Variants in FHIT observed in about 807,000 individuals in gnomAD.
FHIT encodes bis(5'-adenosyl)-triphosphatase.
Under a neutral mutation model 17.9 loss-of-function variants are expected in FHIT, and 19 were observed. That is an observed-to-expected ratio of 1.06 (90% CI 0.74 to 1.56). The LOEUF (loss-of-function observed/expected upper bound fraction) is 1.56. Among genes scored for constraint, FHIT ranks in the 40% most tolerant of loss-of-function variants. The pLI, the probability that FHIT is intolerant of heterozygous loss-of-function variation, is 0.00. For missense variants in FHIT, 248 were observed against 189.2 expected, an observed-to-expected ratio of 1.31 and a Z score of -1.82; for synonymous variants, 81 against 69.7, an observed-to-expected ratio of 1.16 and a Z score of -0.81.
intron 2 of FHIT, among the ~76,000 whole-genome samples, chr3:61,159,356 T>C (rs1340886526): frequency 6.6e-6 from 1 of 152,206 alleles, no homozygotes; most frequent in East Asian, 1.9e-4. Flanking sequence ...TTCCCCTCCC[T>C]GCAGAGACGA....
chr3:60,947,356 C>T (rs1011602213), intron 3 of FHIT, among the ~76,000 whole-genome samples: 17 of 152,146 alleles, frequency 1.1e-4, no homozygotes, highest in African/African-American at 4.1e-4. Context: ...TATTAATAGA[C>T]TATGACTATC....
chr3:59,954,221 G>GTTTTTT lies in FHIT; in HGVS notation c.280-31813_280-31808dup, dbSNP rs5849313. 3.9e-3 allele frequency among the ~76,000 whole-genome samples: 475 copies of GTTTTTT among 120,884 alleles called. 28 individuals are homozygous for GTTTTTT. Among genetic ancestry groups the GTTTTTT allele is most frequent in the Non-Finnish European group, 5.5e-3 (327 of 59,534 alleles). The allele number at this position is 120,884 out of a possible 152,430, so 79.3% of individuals were successfully genotyped here. On this transcript the variant is annotated intron_variant, in intron 7 of 9. Transcript: ENST00000492590. ...CATTTTTCAGAAGTTATTTTGTTCTGTTTTTTTTTCTTTTTTTTCCAAATG... is the reference window on the plus strand; with the variant it reads ...CATTTTTCAGAAGTTATTTTGTTCTGTTTTTTTTTTTTTTTCTTTTTTTTCCAAATG...
chr3:60,590,479 T>C (rs889118248), intron 4 of FHIT, among the ~76,000 whole-genome samples: 2 of 152,118 alleles, frequency 1.3e-5, no homozygotes, highest in Non-Finnish European at 2.9e-5. Flanking sequence ...ATAGAGTCCA[T>C]GCACTTAGGA....
intron 5 of FHIT, among the ~76,000 whole-genome samples, chr3:60,504,473 G>T (rs1454230335): frequency 1.3e-5 from 2 of 151,932 alleles, no homozygotes; most frequent in Non-Finnish European, 2.9e-5. Flanking sequence ...AAGCTGCTTA[G>T]TAAGTAGTTT....
chr3:60,831,326 C>T (rs1301321900), intron 3 of FHIT, among the ~76,000 whole-genome samples: 1 of 152,138 alleles, frequency 6.6e-6, no homozygotes, highest in East Asian at 1.9e-4. Flanking sequence ...CAACCTTATA[C>T]TCTGAAAGAG....
At chr3:60,347,002 A>C (rs1710813591) in intron 5 of FHIT, among the ~76,000 whole-genome samples, 1 of 150,152 alleles carries the variant, frequency 6.7e-6, no homozygotes. Context: ...CTTACATGGG[A>C]AATATATTAT....
intron 2 of FHIT, among the ~76,000 whole-genome samples, chr3:61,060,595 G>A (rs2034392704): frequency 6.6e-6 from 1 of 152,152 alleles, no homozygotes; most frequent in Non-Finnish European, 1.5e-5. Context: ...CCACATTATG[G>A]GCCATCATAT....
At chr3:60,684,864 A>C (rs2040827538) in intron 4 of FHIT, among the ~76,000 whole-genome samples, 1 of 152,202 alleles carries the variant, frequency 6.6e-6, no homozygotes, top group African/African-American at 2.4e-5. Context: ...ACAATACTCC[A>C]AAATATGTTG....
intron 4 of FHIT, among the ~76,000 whole-genome samples, chr3:60,657,588 G>C (rs1412130733): frequency 1.3e-5 from 2 of 152,134 alleles, no homozygotes; most frequent in Admixed American, 1.3e-4. Flanking sequence ...TACAGTGAAA[G>C]TACTGCTATT....
At chr3:60,457,322 A>T (rs1024855001) in intron 5 of FHIT, among the ~76,000 whole-genome samples, 23 of 152,148 alleles carry the variant, frequency 1.5e-4, no homozygotes, top group African/African-American at 5.3e-4. Context: ...CAAAAACAAG[A>T]AATGGGGAAA....
At position 59,820,074 on chromosome 3, in the gene FHIT, T is replaced by TA. The variant is rs1700735905; in HGVS notation, c.349-67754dup. Among the ~76,000 whole-genome samples the TA allele has an allele frequency of 3.9e-5, 6 of 152,244 alleles. No individual in the cohort carries two copies. The South Asian group carries it at 1.2e-3, about 31-fold the overall frequency. ...TCCCAGGCTCCAGAACTATGACTAA[T>TA]AAACTTCTTTTTTAAATTACCCAGG... On this transcript the variant is annotated intron_variant, in intron 8 of 9. Transcript: ENST00000492590.
chr3:60,952,166 C>T lies in FHIT; in HGVS notation c.-111+89881G>A, dbSNP rs967056349. The stretch of plus-strand genomic sequence containing the variant: ...GAGACAAGAGCAAAACTCCGTCCTC[C>T]CCACCCCCCCCCCAAAAAAAAAAAA... On this transcript the variant is annotated intron_variant, in intron 3 of 9. Coordinates refer to ENST00000492590, the MANE Select transcript of FHIT (RefSeq NM_002012.4). Among the ~76,000 whole-genome samples, 6 of 133,000 alleles carry T rather than the reference C, an allele frequency of 4.5e-5. No homozygotes were observed. In the East Asian group the frequency reaches 5.9e-4, roughly 13 times the overall value. 87.3% of individuals were successfully genotyped at this position (133,000 alleles called of 152,430 possible).
At chr3:60,510,274 C>A (rs1033057233) in intron 5 of FHIT, among the ~76,000 whole-genome samples, 1 of 152,168 alleles carries the variant, frequency 6.6e-6, no homozygotes, top group East Asian at 1.9e-4. Context: ...AACAGCTGCA[C>A]TTTGCAATTC....
chr3:60,721,019 G>C (rs1553707928), intron 4 of FHIT, among the ~76,000 whole-genome samples: 1 of 152,000 alleles, frequency 6.6e-6, no homozygotes, highest in Non-Finnish European at 1.5e-5. Flanking sequence ...TGGTCCTTTG[G>C]GTTAAGTGAT....
intron 2 of FHIT, among the ~76,000 whole-genome samples, chr3:61,078,067 G>T (rs2106765282): frequency 6.6e-6 from 1 of 152,252 alleles, no homozygotes; most frequent in East Asian, 1.9e-4. Flanking sequence ...AGACAGCAAA[G>T]CAGAAAAAGG....
chr3:60,205,158 G>A (rs1703114665), intron 5 of FHIT, among the ~76,000 whole-genome samples: 1 of 151,730 alleles, frequency 6.6e-6, no homozygotes, highest in African/African-American at 2.4e-5. Context: ...ACCACACAAA[G>A]GCTGGATCCC....
At chr3:60,562,332 G>C (rs1040402280) in intron 4 of FHIT, among the ~76,000 whole-genome samples, 1 of 152,168 alleles carries the variant, frequency 6.6e-6, no homozygotes, top group African/African-American at 2.4e-5. Flanking sequence ...CAGATAGTTA[G>C]GAGAGCTGGA....
At chr3:60,391,188 A>G (rs1701218972) in intron 5 of FHIT, among the ~76,000 whole-genome samples, 1 of 101,166 alleles carries the variant, frequency 9.9e-6, no homozygotes, top group Non-Finnish European at 2.1e-5. Context: ...ACCGTCTGAC[A>G]AAACAAAACA....
chr3:60,095,740 A>G (rs1703920427), intron 5 of FHIT, among the ~76,000 whole-genome samples: 1 of 152,216 alleles, frequency 6.6e-6, no homozygotes, highest in Non-Finnish European at 1.5e-5. Flanking sequence ...AGGCTGAGAA[A>G]AGGCAAAACA....
Sources: allele counts gnomAD v4.1 joint callset (sites outside exome capture counted in the v4.1 genomes callset), GRCh38; gene constraint gnomAD v4.1.1; transcripts MANE v1.5; gene names NCBI Gene and HGNC (gene_info 2026-07-23, HGNC 2026-07-21).